Variants in MIS18A observed in about 807,000 individuals in gnomAD.
The protein encoded by MIS18A is MIS18 kinetochore protein A.
In MIS18A, 14 loss-of-function variants were observed where a neutral mutation model predicts 25.0. The ratio of observed to expected loss-of-function variants is 0.56; its 90% CI spans 0.37 to 0.88. The LOEUF (loss-of-function observed/expected upper bound fraction) is 0.88, where lower values mean the gene tolerates loss of function less well. MIS18A is among the 40% of genes least tolerant of loss of function. The pLI is 0.00. For synonymous variants in MIS18A, 134 were observed against 118.6 expected (o/e 1.13, Z -0.84); for missense variants, 292 against 290.8 (o/e 1.00, Z -0.03).
chr21:32,181,003 A>T, the MIS18A span, among the ~76,000 whole-genome samples: 1 of 152,196 alleles, frequency 6.6e-6, no homozygotes, highest in East Asian at 1.9e-4. Flanking sequence ...AGCTGGTTAG[A>T]CATTATTTCT....
the MIS18A span, among the ~76,000 whole-genome samples, chr21:32,202,989 T>C: frequency 6.6e-6 from 1 of 152,210 alleles, no homozygotes; most frequent in Non-Finnish European, 1.5e-5. Context: ...TTGGGGTATA[T>C]GCCCAGAAGT....
chr21:32,227,503 G>A, the MIS18A span, among the ~76,000 whole-genome samples: 2 of 152,000 alleles, frequency 1.3e-5, no homozygotes, highest in Admixed American at 6.6e-5. Context: ...AACCTAAACT[G>A]ACTCAAAAAG....
chr21:32,258,805 C>T, the MIS18A span, among the ~76,000 whole-genome samples: 1 of 151,968 alleles, frequency 6.6e-6, no homozygotes, highest in East Asian at 1.9e-4. Context: ...TTTGGTTCAG[C>T]GGGCCTGGAT....
At chr21:32,202,518 G>A in the MIS18A span, among the ~76,000 whole-genome samples, 2 of 152,166 alleles carry the variant, frequency 1.3e-5, no homozygotes, top group Non-Finnish European at 2.9e-5. Flanking sequence ...ATTTCTAAGT[G>A]TTCGAGGGTA....
At chr21:32,265,069 G>C (rs1008231391), downstream of MIS18A, among the ~76,000 whole-genome samples, 1 of 152,202 alleles carries the variant, frequency 6.6e-6, no homozygotes, top group African/African-American at 2.4e-5. Context: ...GAGAATGGCC[G>C]AAGGAGTAAC....
the MIS18A span, among the ~76,000 whole-genome samples, chr21:32,155,280 T>G: frequency 6.6e-6 from 1 of 152,168 alleles, no homozygotes; most frequent in Non-Finnish European, 1.5e-5. Flanking sequence ...TTGGAGGGTT[T>G]GATCTTGTCC....
At chr21:32,165,739 C>T in the MIS18A span, among the ~76,000 whole-genome samples, 43 of 152,188 alleles carry the variant, frequency 2.8e-4, no homozygotes, top group African/African-American at 1.0e-3. Context: ...AAATCTGACA[C>T]GTTTGAATGA....
the MIS18A span, among the ~76,000 whole-genome samples, chr21:32,155,224 T>C: frequency 6.6e-6 from 1 of 152,174 alleles, no homozygotes; most frequent in Admixed American, 6.5e-5. Context: ...AGCAAACTTG[T>C]TTTACCAGCT....
the MIS18A span, among the ~76,000 whole-genome samples, chr21:32,165,506 C>T: frequency 2.7e-5 from 4 of 150,106 alleles, no homozygotes; most frequent in African/African-American, 9.8e-5. Flanking sequence ...TGGCATGACA[C>T]AGCTCTGTAA....
At chr21:32,257,499 T>C in the MIS18A span, among the ~76,000 whole-genome samples, 1 of 152,330 alleles carries the variant, frequency 6.6e-6, no homozygotes, top group Admixed American at 6.5e-5. Context: ...GGTTCTCTAA[T>C]GGGCAGAATA....
chr21:32,206,682 C>T, the MIS18A span, among the ~76,000 whole-genome samples: 1 of 152,062 alleles, frequency 6.6e-6, no homozygotes, highest in Non-Finnish European at 1.5e-5. Context: ...ATGAGAGAGC[C>T]GCAGCTTCAT....
chr21:32,199,791 G>A, the MIS18A span, among the ~76,000 whole-genome samples: 18 of 152,240 alleles, frequency 1.2e-4, no homozygotes, highest in African/African-American at 4.1e-4. Flanking sequence ...GGGCAACAGA[G>A]CGAGACTCTG....
chr21:32,270,740 GGACATACAAAAAAGTGACAAGA>G lies in MIS18A; in HGVS notation c.402-233_402-212del, dbSNP rs2031698848. On this transcript the variant is annotated intron_variant, in intron 2 of 4. Transcript: ENST00000290130. ...GATGCCTTAAGTATCAAATGACAAG[GGACATACAAAAAAGTGACAAGA>G]GAGAATATTGAGGTGGTGTTTTTCT... Among the ~76,000 whole-genome samples, 23 of 152,190 alleles carry G rather than the reference GGACATACAAAAAAGTGACAAGA, an allele frequency of 1.5e-4. No individual in the cohort carries two copies. In the South Asian group the frequency reaches 4.8e-3, roughly 32 times the overall value.
the MIS18A span, among the ~76,000 whole-genome samples, chr21:32,238,293 C>T: frequency 6.6e-6 from 1 of 152,136 alleles, no homozygotes; most frequent in African/African-American, 2.4e-5. Flanking sequence ...CAATAACCCC[C>T]CAAATCTCAG....
chr21:32,246,351 G>T, the MIS18A span, among the ~76,000 whole-genome samples: 2 of 152,066 alleles, frequency 1.3e-5, no homozygotes, highest in African/African-American at 4.8e-5. Context: ...ACCTGGGACT[G>T]CACACGCCCT....
At chr21:32,160,915 G>T in the MIS18A span, among the ~76,000 whole-genome samples, 1 of 152,200 alleles carries the variant, frequency 6.6e-6, no homozygotes, top group East Asian at 1.9e-4. Flanking sequence ...ACAGGCGTGA[G>T]CCCCTGCGCC....
the MIS18A span, among the ~76,000 whole-genome samples, chr21:32,185,733 T>C: frequency 1.3e-5 from 2 of 152,042 alleles, no homozygotes; most frequent in African/African-American, 4.8e-5. Context: ...TCTGTCTAGT[T>C]CTTACCCACC....
chr21:32,256,258 CCA>C, the MIS18A span, among the ~76,000 whole-genome samples: 1 of 152,146 alleles, frequency 6.6e-6, no homozygotes, highest in Non-Finnish European at 1.5e-5. Flanking sequence ...TCAGAGAGTA[CCA>C]CTGCCTCGAA....
Position 32,278,893 on chromosome 21 carries a change from C to A in MIS18A, c.122G>T (p.Arg41Leu). ...CGCCCACTTCTGCAACAGCTGGTGG[C>A]GGCTCGAGTCTTCGGAGAGTCTCTT... ...LGKRLSEDSS[R>L]HQLLQKWASM... Residue 41 changes from arginine to leucine, a missense_variant, in exon 1 of 5, where the codon CGC (arginine) becomes CTC (leucine). Arg to Leu is a moderately radical substitution (Grantham distance 102). Coordinates refer to ENST00000290130, the MANE Select transcript of MIS18A (RefSeq NM_018944.3). The A allele has an allele frequency of 1.2e-6, 2 of 1,613,092 alleles. No individual in the cohort carries two copies. Among genetic ancestry groups the A allele is most frequent in the Non-Finnish European group, 1.7e-6 (2 of 1,179,914 alleles).
Sources: allele counts gnomAD v4.1 joint callset (sites outside exome capture counted in the v4.1 genomes callset), GRCh38; gene constraint gnomAD v4.1.1; transcripts MANE v1.5; gene names NCBI Gene and HGNC (gene_info 2026-07-23, HGNC 2026-07-21).